Variants in PPP4R3A observed in about 807,000 individuals in gnomAD.
PPP4R3A encodes the protein serine/threonine-protein phosphatase 4 regulatory subunit 3A.
A neutral mutation model predicts 91.7 loss-of-function variants in PPP4R3A; 15 were observed. That is an observed-to-expected ratio of 0.16 (90% CI 0.11 to 0.25). The LOEUF (loss-of-function observed/expected upper bound fraction) is 0.25. Ranked by LOEUF, PPP4R3A falls within the 10% of genes least tolerant of loss-of-function variation. The pLI is 1.00. For synonymous variants in PPP4R3A, 377 were observed against 348.7 expected (o/e 1.08, Z -0.91); for missense variants, 623 against 998.4 (o/e 0.62, Z 5.07).
intron 3 of PPP4R3A, among the ~76,000 whole-genome samples, chr14:91,484,679 G>A (rs1889780749): frequency 6.6e-6 from 1 of 152,194 alleles, no homozygotes; most frequent in Non-Finnish European, 1.5e-5. Context: ...GGGTCGGCGG[G>A]AGGGGTGCTA....
At chr14:91,497,377 CACGAT>C (rs1207590910) in intron 1 of PPP4R3A, among the ~76,000 whole-genome samples, 2 of 130,180 alleles carry the variant, frequency 1.5e-5, no homozygotes, top group African/African-American at 5.8e-5. Context: ...CACACACACA[CACGAT>C]ACCTTTTCCC....
rs2140114587 is a variant in PPP4R3A at position 91,481,966 on chromosome 14, C to T, written c.525G>A (p.Glu175=). The T allele has an allele frequency of 6.2e-7, 1 of 1,614,064 alleles. No individual in the cohort carries two copies. ...ENEGYIKKLL[E]LFHVCEDLEN... ...CCAAATCTTCACACACATGAAAAAG[C>T]TCCAGGAGCTTTTTAATATAACCCT... Residue 175 remains glutamate, a synonymous_variant, in exon 4 of 15, where the codon GAG becomes GAA. Transcript: ENST00000554943.
In PPP4R3A at chr14:91,465,144, T is replaced by A. The variant is rs201918636; in HGVS notation, c.1830+106A>T. On this transcript the variant is annotated intron_variant, in intron 11 of 14. Coordinates refer to ENST00000554943, the MANE Select transcript of PPP4R3A (RefSeq NM_001366432.2). ...GGCTTTTAGTACTTTTTTTTTTTTT[T>A]AAATCTCTCCAAATATTATCATCTC... 85 of 752,500 alleles carry A rather than the reference T, an allele frequency of 1.1e-4. 1 individual carries two copies. The highest frequency in any genetic ancestry group is 6.4e-4 in the African/African-American group (33 of 51,496). 46.6% of individuals were successfully genotyped at this position (752,500 alleles called of 1,614,324 possible).
chr14:91,509,661 A>C lies in PPP4R3A; in HGVS notation c.-14T>G, dbSNP rs780889831. On this transcript the variant is annotated 5_prime_UTR_variant, in exon 1 of 15. Transcript: ENST00000554943. Reference sequence around the variant, plus strand: ...GGTGTCGGTCATCGTGCCGCCCGGGAACCGGGGCGGGGGCCCCGCCAGTAG... The same window carrying C: ...GGTGTCGGTCATCGTGCCGCCCGGGCACCGGGGCGGGGGCCCCGCCAGTAG... 5.0e-6 allele frequency: 8 copies of C among 1,589,342 alleles called. No individual in the cohort carries two copies. In the South Asian group the frequency reaches 7.8e-5, roughly 15 times the overall value.
chr14:91,479,301 T>TGC (rs1444452803), intron 4 of PPP4R3A, among the ~76,000 whole-genome samples: 1 of 148,014 alleles, frequency 6.8e-6, no homozygotes, highest in Non-Finnish European at 1.5e-5. Context: ...AACGTGTGTG[T>TGC]GTGTGTGTGT....
rs763223562 is a variant in PPP4R3A, at chr14:91,481,954, C to T, written c.537G>A (p.Val179=). Residue 179 remains valine (V), a synonymous_variant, in exon 4 of 15, where the codon GTG becomes GTA. Transcript: ENST00000554943. ...CTTCAATATTTTCCAAATCTTCACA[C>T]ACATGAAAAAGCTCCAGGAGCTTTT... ...YIKKLLELFH[V]CEDLENIEGL... is the part of the protein sequence containing the mutation. The T allele has an allele frequency of 3.1e-6, 5 of 1,613,848 alleles. No individual in the cohort carries two copies. In the Admixed American group the frequency reaches 6.7e-5, roughly 22 times the overall value.
rs573136212 is a variant in PPP4R3A at position 91,467,095 on chromosome 14, TAGA to T, written c.1661-1679_1661-1677del. The stretch of plus-strand genomic sequence containing the variant: ...TCTATCCAGAAACTGCTGGGGTAGA[TAGA>T]AGGAGGTTCTAGTGGTCTTTTTGTT... On this transcript the variant is annotated intron_variant, in intron 10 of 14. Coordinates refer to ENST00000554943, the MANE Select transcript of PPP4R3A (RefSeq NM_001366432.2). 2.6e-4 allele frequency among the ~76,000 whole-genome samples: 39 copies of T among 152,372 alleles called. No individual in the cohort carries two copies. The South Asian group carries it at 7.7e-3, about 30-fold the overall frequency.
At chr14:91,504,246 T>C (rs1389347602) in intron 1 of PPP4R3A, among the ~76,000 whole-genome samples, 2 of 149,854 alleles carry the variant, frequency 1.3e-5, no homozygotes, top group Non-Finnish European at 3.0e-5. Context: ...GAAGATCAAC[T>C]GAGCCCAGAA....
At chr14:91,473,212 A>G (rs375671873) in intron 8 of PPP4R3A, 27 bp downstream of exon 8, 1 of 1,612,432 alleles carries the variant, frequency 6.2e-7, no homozygotes, top group Non-Finnish European at 8.5e-7. Context: ...CTAGCTATGA[A>G]AAAGAGGGGA....
intron 1 of PPP4R3A, among the ~76,000 whole-genome samples, chr14:91,503,051 G>A (rs1891058820): frequency 6.6e-6 from 1 of 152,060 alleles, no homozygotes; most frequent in South Asian, 2.1e-4. Context: ...GCAGTAGCAT[G>A]ACCAAAGTTC....
chr14:91,506,796 G>A (rs145959206), intron 1 of PPP4R3A, among the ~76,000 whole-genome samples: 5 of 152,082 alleles, frequency 3.3e-5, no homozygotes, highest in East Asian at 3.9e-4. Context: ...ACAATCCGTC[G>A]GCCTGGGCAT....
chr14:91,507,001 T>G (rs995617551), intron 1 of PPP4R3A, among the ~76,000 whole-genome samples: 2 of 152,126 alleles, frequency 1.3e-5, no homozygotes, highest in African/African-American at 4.8e-5. Flanking sequence ...AAGAGAGATT[T>G]GTGGCTATTT....
At chr14:91,466,682 AG>A (rs1888488939) in intron 10 of PPP4R3A, among the ~76,000 whole-genome samples, 1 of 152,172 alleles carries the variant, frequency 6.6e-6, no homozygotes, top group Non-Finnish European at 1.5e-5. Flanking sequence ...AAACACTAAG[AG>A]GCATCTTTCT....
At chr14:91,501,239 T>C (rs748725789) in intron 1 of PPP4R3A, among the ~76,000 whole-genome samples, 2 of 152,158 alleles carry the variant, frequency 1.3e-5, no homozygotes, top group Non-Finnish European at 2.9e-5. Context: ...TGTTTGGGTT[T>C]GGGTTTAAGT....
Position 91,475,815 on chromosome 14 carries a change from C to T in PPP4R3A, c.1262G>A (p.Ser421Asn), listed in dbSNP as rs1198163763. ...SKKLTEQKIT[S>N]KDILLINLII... Reference sequence around the variant, plus strand: ...ATTAGTACAAATAATATTTACCTTGCTGGTTATTTTTTGCTCTGTTAACTT... The same window carrying T: ...ATTAGTACAAATAATATTTACCTTGTTGGTTATTTTTTGCTCTGTTAACTT... The change falls in exon 7 of 15, where the codon AGC (serine) becomes AAC (asparagine). Residue 421 changes from serine to asparagine, a missense_variant. By Grantham distance (46) the Ser-to-Asn change is conservative. Transcript: ENST00000554943. 1 of 1,612,404 alleles carries T rather than the reference C, an allele frequency of 6.2e-7. No homozygotes were observed. Among genetic ancestry groups the T allele is most frequent in the East Asian group, 2.2e-5 (1 of 44,798 alleles).
chr14:91,461,244 G>A (rs1225211591), intron 14 of PPP4R3A, 137 bp downstream of exon 14: 2 of 746,686 alleles, frequency 2.7e-6, no homozygotes, highest in Non-Finnish European at 4.4e-6. Context: ...TTCAAGCGGT[G>A]GGGGGGACTC....
At chr14:91,460,241 CTGACCTCG>C (rs1595044923) in intron 14 of PPP4R3A, among the ~76,000 whole-genome samples, 1 of 152,056 alleles carries the variant, frequency 6.6e-6, no homozygotes, top group Non-Finnish European at 1.5e-5. Flanking sequence ...CTCGGATCTC[CTGACCTCG>C]TGACCCACCC....
At chr14:91,504,602 CA>C (rs11332483) in intron 1 of PPP4R3A, among the ~76,000 whole-genome samples, 41,512 of 132,296 alleles carry the variant, frequency 0.31, 6,145 homozygotes, top group Middle Eastern at 0.38. Context: ...AACACTGACT[CA>C]AAAAAAAAAA....
At chr14:91,488,009 C>T (rs1335547042) in intron 2 of PPP4R3A, among the ~76,000 whole-genome samples, 1 of 152,158 alleles carries the variant, frequency 6.6e-6, no homozygotes. Context: ...CTTAATGTAA[C>T]ACAAATGGAT....
Sources: gnomAD v4.1 joint callset for allele counts (sites outside exome capture counted in the v4.1 genomes callset) on GRCh38, gnomAD v4.1.1 for gene constraint, MANE v1.5 for transcripts, NCBI Gene and HGNC (gene_info 2026-07-23, HGNC 2026-07-21) for gene names.